TENM4: variants seen among roughly 807,000 people sequenced by gnomAD.
The protein encoded by TENM4 is teneurin-4.
In TENM4, 82 loss-of-function variants were observed where a neutral mutation model predicts 243.3. The observed-to-expected ratio is 0.34, with a 90% CI of 0.28 to 0.40. The LOEUF (loss-of-function observed/expected upper bound fraction) is 0.40. TENM4 is among the 10% of genes least tolerant of loss of function. The pLI, the probability that TENM4 is intolerant of heterozygous loss-of-function variation, is 1.00. For missense variants in TENM4, 3,138 were observed against 3,673.3 expected (o/e 0.85, Z 3.77); for synonymous variants, 1,412 against 1,456.3 (o/e 0.97, Z 0.69).
chr11:78,671,399 G>C (rs1477868811), intron 31 of TENM4, among the ~76,000 whole-genome samples: 1 of 152,160 alleles, frequency 6.6e-6, no homozygotes, highest in East Asian at 1.9e-4. Flanking sequence ...AGGTCACCAG[G>C]GTCAGGAAAC....
intron 7 of TENM4, among the ~76,000 whole-genome samples, chr11:78,893,781 A>ACACACACACACACACACACACACT (rs1491129148): frequency 2.2e-4 from 1 of 4,480 alleles, no homozygotes; most frequent in Non-Finnish European, 2.1e-3. Flanking sequence ...GACTTCACAT[A>ACACACACACACACACACACACACT]CACACACACA....
Position 78,959,345 on chromosome 11 carries a change from T to C in TENM4, c.494-55822A>G, listed in dbSNP as rs1857270796. Among the ~76,000 whole-genome samples, 4 of 152,096 alleles carry C rather than the reference T, an allele frequency of 2.6e-5. No individual in the cohort carries two copies. In the South Asian group the frequency reaches 6.3e-4, roughly 24 times the overall value. On this transcript the variant is annotated intron_variant, in intron 6 of 33. Coordinates refer to ENST00000278550, the MANE Select transcript of TENM4 (RefSeq NM_001098816.3). ...TAATTCCATTAAAATAATTTCACAT[T>C]TTTTCCATGAAAAAAATCAAATTAA...
At chr11:78,844,852 G>A (rs550298515) in intron 12 of TENM4, among the ~76,000 whole-genome samples, 2 of 152,280 alleles carry the variant, frequency 1.3e-5, no homozygotes, top group South Asian at 4.1e-4. Flanking sequence ...AAACCACTCA[G>A]TTTGTGGTAT....
At chr11:78,911,413 A>G (rs1018621652) in intron 6 of TENM4, among the ~76,000 whole-genome samples, 1 of 152,218 alleles carries the variant, frequency 6.6e-6, no homozygotes, top group Non-Finnish European at 1.5e-5. Flanking sequence ...TAAGGACTGC[A>G]TCACCTGGGC....
intron 1 of TENM4, among the ~76,000 whole-genome samples, chr11:79,319,473 C>A (rs1856853145): frequency 6.6e-6 from 1 of 151,820 alleles, no homozygotes; most frequent in African/African-American, 2.4e-5. Flanking sequence ...ACAGAAAAAA[C>A]CCTAAAATCT....
intron 6 of TENM4, among the ~76,000 whole-genome samples, chr11:78,981,150 T>C (rs543832369): frequency 6.6e-6 from 1 of 152,266 alleles, no homozygotes; most frequent in East Asian, 1.9e-4. Context: ...CTATGACAGG[T>C]GTGTGTATGC....
At chr11:79,389,354 G>A (rs1482727736) in intron 1 of TENM4, among the ~76,000 whole-genome samples, 2 of 152,140 alleles carry the variant, frequency 1.3e-5, no homozygotes. Flanking sequence ...CAAGGGTCTT[G>A]CTATGTTGAC....
At chr11:79,370,226 C>G (rs1313363591) in intron 1 of TENM4, among the ~76,000 whole-genome samples, 1 of 152,218 alleles carries the variant, frequency 6.6e-6, no homozygotes, top group Non-Finnish European at 1.5e-5. Flanking sequence ...CACATGGGCC[C>G]CCTACGACGG....
At chr11:79,125,680 AC>A (rs1210177937) in intron 4 of TENM4, among the ~76,000 whole-genome samples, 2 of 152,060 alleles carry the variant, frequency 1.3e-5, no homozygotes, top group African/African-American at 2.4e-5. Flanking sequence ...TCCCTCCCTG[AC>A]CCATGCTGCC....
At chr11:79,291,797 C>T (rs1856361807) in intron 2 of TENM4, among the ~76,000 whole-genome samples, 1 of 152,206 alleles carries the variant, frequency 6.6e-6, no homozygotes, top group South Asian at 2.1e-4. Context: ...TGCTGTTAAT[C>T]AGCATACTTC....
rs565949720 is a variant in TENM4, at chr11:79,055,820, C to A, written c.493+8918G>T. On this transcript the variant is annotated intron_variant, in intron 6 of 33. Coordinates refer to ENST00000278550, the MANE Select transcript of TENM4 (RefSeq NM_001098816.3). ...TTCCAAGTTTGACTCCAAAGCCTAT[C>A]CTCCTTCCAAGTTATCTCACTGTCT... is the stretch of plus-strand genomic sequence containing the variant. 3.9e-5 allele frequency among the ~76,000 whole-genome samples: 6 copies of A among 152,274 alleles called. No homozygotes were observed. In the South Asian group the frequency reaches 8.3e-4, roughly 21 times the overall value.
Position 78,729,438 on chromosome 11 carries a change from T to C in TENM4, c.3344A>G (p.Tyr1115Cys), listed in dbSNP as rs371168354. The C allele has an allele frequency of 2.4e-4, 386 of 1,601,304 alleles. 1 individual carries two copies. The highest frequency in any genetic ancestry group is 3.2e-4 in the Non-Finnish European group (370 of 1,173,608). ...GACGTCTGTCTTGTCCCAAATGAAA[T>C]AATAGGACAGGTCTGGGGCTGCAGC... ...WFAAAPDLSY[Y>C]FIWDKTDVYN... Residue 1115 changes from tyrosine to cysteine, a missense_variant, in exon 22 of 34, where the codon TAT becomes TGT. Tyr to Cys is a radical substitution (Grantham distance 194). This residue lies in a region of TENM4 where 2,467 missense variants were observed against 3,059.1 expected (regional missense o/e 0.81). Coordinates refer to ENST00000278550, the MANE Select transcript of TENM4 (RefSeq NM_001098816.3).
chr11:78,950,410 C>T (rs1290201657), intron 6 of TENM4, among the ~76,000 whole-genome samples: 1 of 152,160 alleles, frequency 6.6e-6, no homozygotes, highest in Admixed American at 6.5e-5. Context: ...AATCCCTGAT[C>T]TGCTTTAGAG....
chr11:79,410,670 T>C (rs903611154), intron 1 of TENM4, among the ~76,000 whole-genome samples: 5 of 152,222 alleles, frequency 3.3e-5, no homozygotes, highest in African/African-American at 1.2e-4. Flanking sequence ...GGGCAATTTA[T>C]TTGCCTTCTC....
intron 2 of TENM4, among the ~76,000 whole-genome samples, chr11:79,292,639 A>T (rs1199643997): frequency 6.6e-6 from 1 of 152,252 alleles, no homozygotes; most frequent in Non-Finnish European, 1.5e-5. Context: ...TGGCTAGGGC[A>T]CATGCAGGAA....
intron 17 of TENM4, among the ~76,000 whole-genome samples, chr11:78,773,100 G>A (rs1027678935): frequency 3.3e-5 from 5 of 152,278 alleles, no homozygotes; most frequent in Non-Finnish European, 5.9e-5. Flanking sequence ...ATTTTTGTCC[G>A]TCCAGCCGGG....
intron 2 of TENM4, among the ~76,000 whole-genome samples, chr11:79,282,584 A>G (rs1300390016): frequency 6.6e-6 from 1 of 152,204 alleles, no homozygotes; most frequent in African/African-American, 2.4e-5. Flanking sequence ...GTGTTAAAAA[A>G]CAACAAAAAC....
chr11:78,955,896 C>G (rs1013096462), intron 6 of TENM4, among the ~76,000 whole-genome samples: 1 of 152,180 alleles, frequency 6.6e-6, no homozygotes, highest in Non-Finnish European at 1.5e-5. Context: ...CCATAATGGT[C>G]TGCCCCAGGT....
chr11:78,742,316 G>C (rs1855948277), intron 19 of TENM4, among the ~76,000 whole-genome samples: 1 of 152,168 alleles, frequency 6.6e-6, no homozygotes, highest in Non-Finnish European at 1.5e-5. Context: ...TGGCTGAGCT[G>C]ACACTAAAGC....
Sources: allele counts gnomAD v4.1 joint callset (sites outside exome capture counted in the v4.1 genomes callset), GRCh38; gene constraint gnomAD v4.1.1; regional missense constraint gnomAD v4.1.1; transcripts MANE v1.5; gene names NCBI Gene and HGNC (gene_info 2026-07-23, HGNC 2026-07-21).